Variants in WDFY2 observed in about 807,000 individuals in gnomAD.
WDFY2 encodes the protein WD repeat and FYVE domain-containing protein 2.
WDFY2 carries 36 observed loss-of-function variants against 56.4 expected under a neutral mutation model. The ratio of observed to expected loss-of-function variants is 0.64; its 90% CI spans 0.49 to 0.84. The LOEUF (loss-of-function observed/expected upper bound fraction) is 0.84, where lower values mean the gene tolerates loss of function less well. Among genes scored for constraint, WDFY2 ranks in the 40% least tolerant of loss-of-function variants. The probability of loss-of-function intolerance (pLI) is 0.00; values close to 1 mark genes in which losing one functional copy is unlikely to be tolerated. For synonymous variants in WDFY2, 176 were observed against 183.7 expected, an observed-to-expected ratio of 0.96 and a Z score of 0.34; for missense variants, 444 against 512.2, an observed-to-expected ratio of 0.87 and a Z score of 1.29.
intron 1 of WDFY2, among the ~76,000 whole-genome samples, chr13:51,638,306 G>C (rs1304588818): frequency 6.6e-6 from 1 of 152,174 alleles, no homozygotes; most frequent in Non-Finnish European, 1.5e-5. Flanking sequence ...CCTGGGGGTG[G>C]GGTATTAATG....
intron 1 of WDFY2, among the ~76,000 whole-genome samples, chr13:51,612,711 G>A (rs1022489380): frequency 2.6e-5 from 4 of 152,176 alleles, no homozygotes; most frequent in Admixed American, 6.5e-5. Context: ...TTGTTAATGT[G>A]GAAAGTTTAT....
intron 2 of WDFY2, among the ~76,000 whole-genome samples, chr13:51,663,525 G>A (rs1955650062): frequency 6.6e-6 from 1 of 152,158 alleles, no homozygotes; most frequent in South Asian, 2.1e-4. Context: ...CAATTGGTTA[G>A]AAATTGGCTT....
intron 6 of WDFY2, among the ~76,000 whole-genome samples, chr13:51,732,279 C>T (rs1038060765): frequency 2.6e-5 from 4 of 151,922 alleles, no homozygotes; most frequent in South Asian, 2.1e-4. Flanking sequence ...CACAGGTGCC[C>T]GCCACCATGG....
chr13:51,761,019 A>G lies in WDFY2; in HGVS notation c.*1250A>G, dbSNP rs1953565772. 6.6e-6 allele frequency: 1 copy of G among 152,196 alleles called. No homozygotes were observed. Among genetic ancestry groups the G allele is most frequent in the Non-Finnish European group, 1.5e-5 (1 of 68,034 alleles). 9.4% of individuals were successfully genotyped at this position (152,196 alleles called of 1,614,324 possible). On this transcript the variant is annotated 3_prime_UTR_variant, in exon 12 of 12. Coordinates refer to ENST00000298125, the MANE Select transcript of WDFY2 (RefSeq NM_052950.4). ...TGTGACATCATCTCTGAACTTGAAC[A>G]TGTTCATTACGGCAAGATTGTAATC...
At chr13:51,727,880 G>A (rs541618873) in intron 6 of WDFY2, 90 bp downstream of exon 6, 347 of 1,228,882 alleles carry the variant, frequency 2.8e-4, no homozygotes, top group Non-Finnish European at 3.8e-4. Flanking sequence ...TTTTGAAAGT[G>A]GCAAAGTACA....
At chr13:51,714,448 T>C (rs949128853) in intron 4 of WDFY2, among the ~76,000 whole-genome samples, 4 of 152,042 alleles carry the variant, frequency 2.6e-5, no homozygotes, top group Non-Finnish European at 5.9e-5. Context: ...CTTGCCACCA[T>C]GCCCGGCTAA....
At chr13:51,598,567 T>C (rs1954201176) in intron 1 of WDFY2, 1 of 152,158 alleles carries the variant, frequency 6.6e-6, no homozygotes, top group South Asian at 2.1e-4. Context: ...TTCCTGAATA[T>C]GGAGAAAAGT....
chr13:51,712,704 C>G (rs1447403181), intron 4 of WDFY2, among the ~76,000 whole-genome samples: 1 of 149,820 alleles, frequency 6.7e-6, no homozygotes, highest in African/African-American at 2.5e-5. Context: ...TTTTGATAAG[C>G]TCAATAAAAT....
At chr13:51,738,842 A>G (rs545072973) in intron 6 of WDFY2, among the ~76,000 whole-genome samples, 2 of 152,280 alleles carry the variant, frequency 1.3e-5, no homozygotes, top group East Asian at 3.9e-4. Flanking sequence ...TTTATGGTAC[A>G]TGAAATGTTG....
intron 1 of WDFY2, among the ~76,000 whole-genome samples, chr13:51,643,853 A>C (rs1955220136): frequency 6.6e-6 from 1 of 152,022 alleles, no homozygotes; most frequent in Non-Finnish European, 1.5e-5. Flanking sequence ...TAAATACTGT[A>C]TGTGATAAAA....
At chr13:51,660,206 T>C in intron 1 of WDFY2, among the ~76,000 whole-genome samples, 1 of 151,252 alleles carries the variant, frequency 6.6e-6, no homozygotes, top group South Asian at 2.1e-4. Flanking sequence ...CTCTCTTATG[T>C]TTTTTTTTAA....
At chr13:51,619,888 A>G (rs1304092760) in intron 1 of WDFY2, among the ~76,000 whole-genome samples, 3 of 152,240 alleles carry the variant, frequency 2.0e-5, no homozygotes, top group Non-Finnish European at 4.4e-5. Context: ...TTGGCTGCCT[A>G]TAGTTGGCTG....
At chr13:51,646,641 A>G (rs1955268360) in intron 1 of WDFY2, among the ~76,000 whole-genome samples, 1 of 152,182 alleles carries the variant, frequency 6.6e-6, no homozygotes, top group African/African-American at 2.4e-5. Flanking sequence ...ATGAATCAAC[A>G]AGTCAATGAA....
intron 3 of WDFY2, among the ~76,000 whole-genome samples, chr13:51,683,791 G>T (rs1021631001): frequency 2.6e-5 from 4 of 152,184 alleles, no homozygotes. Flanking sequence ...CATTAGCAGA[G>T]AGGGGAGTGG....
At chr13:51,687,992 G>T (rs145811613) in intron 3 of WDFY2, among the ~76,000 whole-genome samples, 1 of 152,132 alleles carries the variant, frequency 6.6e-6, no homozygotes, top group Non-Finnish European at 1.5e-5. Context: ...AAAGATAAAC[G>T]TAGTTTACTT....
At chr13:51,735,760 A>T (rs1445950572) in intron 6 of WDFY2, among the ~76,000 whole-genome samples, 1 of 152,170 alleles carries the variant, frequency 6.6e-6, no homozygotes, top group Non-Finnish European at 1.5e-5. Flanking sequence ...CTTTCAAATG[A>T]CCTCATTGTT....
chr13:51,593,160 T>C (rs953783623), intron 1 of WDFY2, among the ~76,000 whole-genome samples: 3 of 152,206 alleles, frequency 2.0e-5, no homozygotes, highest in Non-Finnish European at 2.9e-5. Context: ...ATTTTAACCA[T>C]CATTTTAAGT....
At chr13:51,669,503 C>T (rs1955770813) in intron 2 of WDFY2, among the ~76,000 whole-genome samples, 1 of 152,044 alleles carries the variant, frequency 6.6e-6, no homozygotes, top group Admixed American at 6.6e-5. Context: ...CTTATTTGTG[C>T]ATTTCATTGC....
chr13:51,676,380 G>A (rs959552986), intron 3 of WDFY2, among the ~76,000 whole-genome samples: 3 of 152,302 alleles, frequency 2.0e-5, no homozygotes, highest in East Asian at 1.9e-4. Context: ...ACAATATGGC[G>A]TGGAACTTAA....
Sources: gnomAD v4.1 joint callset for allele counts (sites outside exome capture counted in the v4.1 genomes callset) on GRCh38, gnomAD v4.1.1 for gene constraint, MANE v1.5 for transcripts, NCBI Gene and HGNC (gene_info 2026-07-23, HGNC 2026-07-21) for gene names.